GALNT16: variants seen among roughly 807,000 people sequenced by gnomAD.
The protein encoded by GALNT16 is polypeptide N-acetylgalactosaminyltransferase 16.
Under a neutral mutation model 76.1 loss-of-function variants are expected in GALNT16, and 40 were observed. That is an observed-to-expected ratio of 0.53 (90% CI 0.41 to 0.68). The LOEUF is 0.68. Among genes scored for constraint, GALNT16 ranks in the 30% least tolerant of loss-of-function variants. The pLI is 0.00. For missense variants in GALNT16, 621 were observed against 731.9 expected, an observed-to-expected ratio of 0.85 and a Z score of 1.75; for synonymous variants, 276 against 285.2, an observed-to-expected ratio of 0.97 and a Z score of 0.32.
chr14:69,357,558 G>C (rs1199361480), downstream of GALNT16: 2 of 152,222 alleles, frequency 1.3e-5, no homozygotes, highest in Non-Finnish European at 2.9e-5. Flanking sequence ...CTTCCTTCGG[G>C]AAGGTGGGTC....
chr14:69,381,142 A>G, the GALNT16 span, among the ~76,000 whole-genome samples: 1 of 152,154 alleles, frequency 6.6e-6, no homozygotes, highest in Non-Finnish European at 1.5e-5. Flanking sequence ...TTAGCTGGGC[A>G]TGGTGGTGCA....
chr14:69,274,621 TC>T (rs1363138485), intron 1 of GALNT16, among the ~76,000 whole-genome samples: 1 of 152,134 alleles, frequency 6.6e-6, no homozygotes, highest in East Asian at 1.9e-4. Flanking sequence ...GTGGTTGGCT[TC>T]CCCCAGAGCA....
At chr14:69,303,494 C>T (rs1039387888) in intron 1 of GALNT16, among the ~76,000 whole-genome samples, 2 of 152,106 alleles carry the variant, frequency 1.3e-5, no homozygotes, top group Non-Finnish European at 2.9e-5. Flanking sequence ...CCATGTAATG[C>T]GTTATATTTA....
At chr14:69,314,222 A>G (rs889235911) in intron 1 of GALNT16, among the ~76,000 whole-genome samples, 2 of 152,236 alleles carry the variant, frequency 1.3e-5, no homozygotes, top group Non-Finnish European at 2.9e-5. Context: ...AATAATAATC[A>G]CAATTTATGT....
chr14:69,324,764 T>C lies in GALNT16; in HGVS notation c.408T>C (p.Arg136=). 1.2e-6 allele frequency: 2 copies of C among 1,612,398 alleles called. No individual in the cohort carries two copies. Among genetic ancestry groups the C allele is most frequent in the Non-Finnish European group, 1.7e-6 (2 of 1,178,792 alleles). Residue 136 remains arginine, a synonymous_variant, in exon 3 of 15, where the codon CGT becomes CGC. Coordinates refer to ENST00000448469, the MANE Select transcript of GALNT16 (RefSeq NM_001168368.2). ...SVIITFHNEA[R]STLLRTVKSV... is the part of the protein sequence containing the mutation. ...TCATCACCTTCCACAATGAGGCCCG[T>C]TCCACCCTGCTGCGCACAGTGAAGA...
the GALNT16 span, among the ~76,000 whole-genome samples, chr14:69,379,100 C>T: frequency 3.1e-3 from 476 of 152,198 alleles, 4 homozygotes; most frequent in African/African-American, 0.011. Context: ...CCACCATGCC[C>T]GGCTACTTTT....
At chr14:69,375,073 C>T in the GALNT16 span, among the ~76,000 whole-genome samples, 1 of 152,170 alleles carries the variant, frequency 6.6e-6, no homozygotes, top group Non-Finnish European at 1.5e-5. Context: ...CACATGCAAA[C>T]GACAGCAGGT....
chr14:69,325,474 C>G (rs2045269128), intron 4 of GALNT16, 70 bp downstream of exon 4: 2 of 931,900 alleles, frequency 2.1e-6, no homozygotes, highest in African/African-American at 3.2e-5. Context: ...AACACCAAGG[C>G]AAGCACCCTG....
chr14:69,374,061 G>A, the GALNT16 span, among the ~76,000 whole-genome samples: 4 of 152,172 alleles, frequency 2.6e-5, no homozygotes, highest in Non-Finnish European at 4.4e-5. Context: ...GATTACAGGC[G>A]TGAGCCACTG....
At chr14:69,289,958 T>C (rs1424412018) in intron 1 of GALNT16, among the ~76,000 whole-genome samples, 1 of 152,008 alleles carries the variant, frequency 6.6e-6, no homozygotes, top group Non-Finnish European at 1.5e-5. Flanking sequence ...AGGGTAGCCT[T>C]GTACTCCTGA....
chr14:69,295,070 G>A (rs1027793145), intron 1 of GALNT16, among the ~76,000 whole-genome samples: 18 of 151,844 alleles, frequency 1.2e-4, no homozygotes, highest in East Asian at 3.9e-4. Flanking sequence ...AATCTATTAC[G>A]AAAAAATTTA....
intron 9 of GALNT16, among the ~76,000 whole-genome samples, chr14:69,335,021 C>A (rs539421496): frequency 6.6e-6 from 1 of 152,158 alleles, no homozygotes; most frequent in South Asian, 2.1e-4. Flanking sequence ...ACCCATTTGA[C>A]AGGTAGAAAG....
intron 1 of GALNT16, among the ~76,000 whole-genome samples, chr14:69,301,345 C>T (rs1057436022): frequency 4.6e-5 from 7 of 152,130 alleles, no homozygotes; most frequent in Non-Finnish European, 1.0e-4. Flanking sequence ...GAGTATGTAG[C>T]TTTATTTTTT....
At chr14:69,305,757 CT>C (rs2044924041) in intron 1 of GALNT16, among the ~76,000 whole-genome samples, 1 of 151,966 alleles carries the variant, frequency 6.6e-6, no homozygotes, top group Non-Finnish European at 1.5e-5. Context: ...TGTGCAGAAG[CT>C]TTTTTAGTTA....
intron 6 of GALNT16, among the ~76,000 whole-genome samples, 199 bp downstream of exon 6, chr14:69,328,770 G>C (rs1012209578): frequency 1.3e-5 from 2 of 152,208 alleles, no homozygotes; most frequent in African/African-American, 4.8e-5. Flanking sequence ...ATCCCACTGG[G>C]TTATTGTGAG....
At chr14:69,354,561 A>G (rs946263169), downstream of GALNT16, 2 of 152,666 alleles carry the variant, frequency 1.3e-5, no homozygotes, top group Non-Finnish European at 2.9e-5. Context: ...CCTTTCTGTA[A>G]AAGTGAAACT....
At chr14:69,279,455 C>T (rs1173370224) in intron 1 of GALNT16, among the ~76,000 whole-genome samples, 1 of 152,200 alleles carries the variant, frequency 6.6e-6, no homozygotes, top group Non-Finnish European at 1.5e-5. Context: ...AATCTCAGAA[C>T]ATTGTCCACA....
intron 1 of GALNT16, among the ~76,000 whole-genome samples, chr14:69,292,254 G>T (rs896506962): frequency 2.0e-5 from 3 of 152,246 alleles, no homozygotes; most frequent in East Asian, 3.8e-4. Context: ...TGGCAGAGCC[G>T]GGACTCCCAT....
At chr14:69,306,057 G>A (rs143936965) in intron 1 of GALNT16, among the ~76,000 whole-genome samples, 171 of 152,218 alleles carry the variant, frequency 1.1e-3, no homozygotes, top group African/African-American at 3.8e-3. Flanking sequence ...CACCCTTGTC[G>A]AACATCAGTT....
Sources: allele counts gnomAD v4.1 joint callset (sites outside exome capture counted in the v4.1 genomes callset), GRCh38; gene constraint gnomAD v4.1.1; transcripts MANE v1.5; gene names NCBI Gene and HGNC (gene_info 2026-07-23, HGNC 2026-07-21).